Variants in RAB38 observed in about 807,000 individuals in gnomAD.
The protein encoded by RAB38 is RAB38, member RAS oncogene family.
Under a neutral mutation model 18.4 loss-of-function variants are expected in RAB38, and 15 were observed. That is an observed-to-expected ratio of 0.82 (90% CI 0.55 to 1.26). The LOEUF (loss-of-function observed/expected upper bound fraction) is 1.26, where lower values mean the gene tolerates loss of function less well. RAB38 is among the 50% of genes most tolerant of loss of function. The probability of loss-of-function intolerance (pLI) is 0.00; values close to 1 mark genes in which losing one functional copy is unlikely to be tolerated. For synonymous variants in RAB38, 101 were observed against 104.4 expected, an observed-to-expected ratio of 0.97 and a Z score of 0.20; for missense variants, 294 against 267.4, an observed-to-expected ratio of 1.10 and a Z score of -0.69.
the RAB38 span, among the ~76,000 whole-genome samples, chr11:87,825,591 G>C: frequency 6.6e-6 from 1 of 152,088 alleles, no homozygotes; most frequent in Non-Finnish European, 1.5e-5. Flanking sequence ...ACTACCTCTG[G>C]AAAGATGCTA....
chr11:88,052,288 CT>C, the RAB38 span, among the ~76,000 whole-genome samples: 1 of 152,254 alleles, frequency 6.6e-6, no homozygotes, highest in Admixed American at 6.5e-5. Context: ...ATGTAACAGT[CT>C]CAGAGATCTA....
chr11:88,015,267 T>C, the RAB38 span, among the ~76,000 whole-genome samples: 1 of 152,164 alleles, frequency 6.6e-6, no homozygotes, highest in Non-Finnish European at 1.5e-5. Flanking sequence ...ACGTGCTGAG[T>C]AAACTAAGTG....
the RAB38 span, among the ~76,000 whole-genome samples, chr11:88,051,883 G>A: frequency 3.3e-5 from 5 of 152,098 alleles, no homozygotes; most frequent in Admixed American, 1.3e-4. Context: ...TAGCACTTTC[G>A]GAGGCCGAGG....
At chr11:88,037,378 G>A in the RAB38 span, among the ~76,000 whole-genome samples, 1 of 151,908 alleles carries the variant, frequency 6.6e-6, no homozygotes, top group Non-Finnish European at 1.5e-5. Flanking sequence ...TCATTTGGTA[G>A]TTTTACCCAA....
chr11:87,939,254 C>T, the RAB38 span, among the ~76,000 whole-genome samples: 3 of 151,882 alleles, frequency 2.0e-5, no homozygotes, highest in African/African-American at 7.3e-5. Flanking sequence ...GCTGTGAATC[C>T]AGAGTTATGG....
At chr11:88,026,844 G>A in the RAB38 span, among the ~76,000 whole-genome samples, 1 of 152,054 alleles carries the variant, frequency 6.6e-6, no homozygotes, top group African/African-American at 2.4e-5. Context: ...TGGAGAATAG[G>A]ATATTCAGGT....
intron 2 of RAB38, among the ~76,000 whole-genome samples, chr11:88,125,608 G>C (rs1237869625): frequency 2.0e-5 from 3 of 152,080 alleles, no homozygotes; most frequent in Non-Finnish European, 4.4e-5. Flanking sequence ...GTAGATTCTG[G>C]ATATTAGCCC....
At chr11:87,951,710 C>T in the RAB38 span, among the ~76,000 whole-genome samples, 43 of 152,170 alleles carry the variant, frequency 2.8e-4, no homozygotes, top group East Asian at 7.8e-4. Context: ...TGCAGAACAG[C>T]GGATATTGGT....
intron 1 of RAB38, among the ~76,000 whole-genome samples, chr11:88,159,569 C>A (rs1477547421): frequency 6.6e-6 from 1 of 151,954 alleles, no homozygotes; most frequent in East Asian, 1.9e-4. Flanking sequence ...CATCACATTA[C>A]TCAACTTCAA....
the RAB38 span, among the ~76,000 whole-genome samples, chr11:88,011,822 G>A: frequency 6.6e-6 from 1 of 152,200 alleles, no homozygotes; most frequent in South Asian, 2.1e-4. Flanking sequence ...CAGTAGGTAA[G>A]CAGCACATCT....
rs1229541439 is a variant in RAB38, at chr11:88,175,159, CT to C, written c.202+23del. ...ACCGGCCGCGAGGCGCTCTATCCCC[CT>C]GACCCCCTCCCCCCGCGCTCACCTG... is the stretch of plus-strand genomic sequence containing the variant. On this transcript the variant is annotated intron_variant, in intron 1 of 2. Transcript: ENST00000243662. 27 of 1,565,436 alleles carry C rather than the reference CT, an allele frequency of 1.7e-5. No individual in the cohort carries two copies. In the East Asian group the frequency reaches 2.3e-4, roughly 14 times the overall value.
At chr11:88,053,167 T>C in the RAB38 span, among the ~76,000 whole-genome samples, 1 of 91,162 alleles carries the variant, frequency 1.1e-5, no homozygotes, top group Non-Finnish European at 2.2e-5. Context: ...TATACACACA[T>C]ATATATGGAA....
the RAB38 span, among the ~76,000 whole-genome samples, chr11:87,899,346 T>TA: frequency 6.6e-6 from 1 of 151,748 alleles, no homozygotes; most frequent in East Asian, 2.0e-4. Flanking sequence ...GGTACTAGTC[T>TA]AAAAAATGTC....
chr11:87,959,187 A>T, the RAB38 span, among the ~76,000 whole-genome samples: 2 of 152,100 alleles, frequency 1.3e-5, no homozygotes, highest in Admixed American at 6.6e-5. Flanking sequence ...GGAATTAATG[A>T]CATGTGAAAC....
At chr11:87,975,010 A>C in the RAB38 span, among the ~76,000 whole-genome samples, 1 of 151,886 alleles carries the variant, frequency 6.6e-6, no homozygotes, top group Non-Finnish European at 1.5e-5. Context: ...GGAATAATGG[A>C]AAAGCCGTTC....
intron 1 of RAB38, among the ~76,000 whole-genome samples, chr11:88,174,969 G>C (rs920304144): frequency 2.0e-5 from 3 of 152,266 alleles, no homozygotes; most frequent in Non-Finnish European, 2.9e-5. Flanking sequence ...GACTGTGCGG[G>C]AAGGAGCTAA....
the RAB38 span, among the ~76,000 whole-genome samples, chr11:87,820,769 C>G: frequency 3.3e-5 from 5 of 151,868 alleles, no homozygotes; most frequent in African/African-American, 1.2e-4. Flanking sequence ...TAAAATAACT[C>G]TCTAATATGC....
intron 2 of RAB38, among the ~76,000 whole-genome samples, chr11:88,135,277 G>C (rs61909932): frequency 0.14 from 20,745 of 152,026 alleles, 1,519 homozygotes; most frequent in Middle Eastern, 0.22. Context: ...TATATATTAC[G>C]TTTATTTACC....
the RAB38 span, among the ~76,000 whole-genome samples, chr11:88,004,386 G>T: frequency 6.6e-6 from 1 of 150,888 alleles, no homozygotes; most frequent in Admixed American, 6.6e-5. Context: ...AGAGCAACAG[G>T]ATCACCACAC....
Sources: allele counts gnomAD v4.1 joint callset (sites outside exome capture counted in the v4.1 genomes callset), GRCh38; gene constraint gnomAD v4.1.1; transcripts MANE v1.5; gene names NCBI Gene and HGNC (gene_info 2026-07-23, HGNC 2026-07-21).